CTSS: variants seen among roughly 807,000 people sequenced by gnomAD.
CTSS encodes cathepsin S.
CTSS carries 15 observed loss-of-function variants against 39.9 expected under a neutral mutation model. The ratio of observed to expected loss-of-function variants is 0.38; its 90% CI spans 0.25 to 0.58. The LOEUF (loss-of-function observed/expected upper bound fraction) is 0.58, where lower values mean the gene tolerates loss of function less well. Ranked by LOEUF, CTSS falls within the 20% of genes least tolerant of loss-of-function variation. CTSS has a pLI of 0.70. For missense variants in CTSS, 250 were observed against 398.2 expected (o/e 0.63, Z 3.17); for synonymous variants, 126 against 138.2 (o/e 0.91, Z 0.62).
At chr1:150,754,153 G>T (rs61817601) in intron 4 of CTSS, among the ~76,000 whole-genome samples, 1 of 124,500 alleles carries the variant, frequency 8.0e-6, no homozygotes, top group Non-Finnish European at 1.6e-5. Context: ...TCACTCTATC[G>T]CCCAGGCTGG....
chr1:150,762,179 G>A (rs2864869), intron 2 of CTSS, among the ~76,000 whole-genome samples: 52,641 of 152,030 alleles, frequency 0.35, 9,440 homozygotes, highest in South Asian at 0.53. Flanking sequence ...AATGGGGAAA[G>A]GATAGTCTGT....
At chr1:150,763,974 C>T (rs183055847) in intron 2 of CTSS, among the ~76,000 whole-genome samples, 35 of 152,190 alleles carry the variant, frequency 2.3e-4, no homozygotes, top group African/African-American at 8.4e-4. Context: ...AAATGGCACC[C>T]TTATCCGTGA....
intron 7 of CTSS, among the ~76,000 whole-genome samples, chr1:150,743,038 CTG>C (rs1652800672): frequency 6.6e-6 from 1 of 152,102 alleles, no homozygotes. Flanking sequence ...AGATTATGAA[CTG>C]GGGATCATCT....
intron 7 of CTSS, among the ~76,000 whole-genome samples, chr1:150,740,977 T>A (rs1256007842): frequency 6.6e-6 from 1 of 152,030 alleles, no homozygotes; most frequent in Non-Finnish European, 1.5e-5. Flanking sequence ...CATGAGCCAC[T>A]AAGCCTGGTT....
intron 7 of CTSS, among the ~76,000 whole-genome samples, chr1:150,735,591 G>T (rs1005906486): frequency 1.3e-5 from 2 of 151,778 alleles, no homozygotes; most frequent in African/African-American, 4.8e-5. Flanking sequence ...GGGTTTTTTT[G>T]TTTGTTTGTT....
chr1:150,731,261 G>C lies in CTSS; in HGVS notation c.*1785C>G, dbSNP rs958973893. On this transcript the variant is annotated 3_prime_UTR_variant, in exon 8 of 8. Transcript: ENST00000368985. The stretch of plus-strand genomic sequence containing the variant: ...AAATTAGCTGGGCGTGGTGGTGCAC[G>C]CCTATAATTCCAGCTACTCGGGAGG... 6.6e-6 allele frequency: 1 copy of C among 152,156 alleles called. No homozygotes were observed. Among genetic ancestry groups the C allele is most frequent in the Non-Finnish European group, 1.5e-5 (1 of 68,068 alleles). 9.4% of individuals were successfully genotyped at this position (152,156 alleles called of 1,614,324 possible).
intron 7 of CTSS, among the ~76,000 whole-genome samples, chr1:150,734,611 A>T (rs1293163495): frequency 2.6e-5 from 4 of 152,104 alleles, no homozygotes; most frequent in African/African-American, 7.2e-5. Context: ...GCGCCTGTGC[A>T]CTCCAGCCTG....
intron 4 of CTSS, among the ~76,000 whole-genome samples, chr1:150,753,383 T>C (rs1206045596): frequency 1.3e-5 from 2 of 152,236 alleles, no homozygotes; most frequent in African/African-American, 2.4e-5. Context: ...ATTCTAACGA[T>C]GCAAGACTAG....
At chr1:150,736,335 G>C (rs587726478) in intron 7 of CTSS, among the ~76,000 whole-genome samples, 1 of 152,240 alleles carries the variant, frequency 6.6e-6, no homozygotes, top group African/African-American at 2.4e-5. Flanking sequence ...AAGTCACATA[G>C]ATAGTAAATT....
intron 3 of CTSS, 137 bp from the exon 4 acceptor site, chr1:150,755,287 T>C: frequency 2.2e-6 from 2 of 910,478 alleles, no homozygotes; most frequent in South Asian, 3.1e-5. Context: ...GGCTCCTACA[T>C]ACCTAGGCTG....
At chr1:150,733,700 A>C (rs1277026305) in intron 7 of CTSS, among the ~76,000 whole-genome samples, 1 of 151,958 alleles carries the variant, frequency 6.6e-6, no homozygotes, top group Non-Finnish European at 1.5e-5. Context: ...ATGGTGGCTC[A>C]CACTTGTAAT....
intron 2 of CTSS, among the ~76,000 whole-genome samples, chr1:150,764,043 G>A (rs991221306): frequency 3.3e-5 from 5 of 151,706 alleles, no homozygotes; most frequent in Admixed American, 6.6e-5. Context: ...ACCACCCAGG[G>A]CCCTTCCTAC....
At chr1:150,761,054 C>T (rs1009383019) in intron 2 of CTSS, among the ~76,000 whole-genome samples, 22 of 151,544 alleles carry the variant, frequency 1.5e-4, no homozygotes, top group South Asian at 4.2e-4. Context: ...TGGCGTGTGC[C>T]GGTAATCCCA....
rs1653167356 is a variant in CTSS, at chr1:150,757,915, C to T, written c.192G>A (p.Leu64=). The stretch of plus-strand genomic sequence containing the variant: ...ATGAGTGCATTCCCATTGAATGCTC[C>T]AGGTTGTGAAGCATCACAAACTTTA... ...KNLKFVMLHN[L]EHSMGMHSYD... Residue 64 remains leucine, a synonymous_variant, in exon 3 of 8, where the codon CTG becomes CTA. Coordinates refer to ENST00000368985, the MANE Select transcript of CTSS (RefSeq NM_004079.5). 6.2e-7 allele frequency: 1 copy of T among 1,613,704 alleles called. No homozygotes were observed. The highest frequency in any genetic ancestry group is 1.7e-5 in the Admixed American group (1 of 60,002).
At chr1:150,751,332 C>T (rs1260215683) in intron 5 of CTSS, among the ~76,000 whole-genome samples, 1 of 152,072 alleles carries the variant, frequency 6.6e-6, no homozygotes, top group East Asian at 1.9e-4. Flanking sequence ...CACTGCACCT[C>T]CACCTCCTGA....
At chr1:150,764,522 G>A (rs1653327330) in intron 2 of CTSS, 116 bp downstream of exon 2, 2 of 1,397,136 alleles carry the variant, frequency 1.4e-6, no homozygotes, top group East Asian at 2.3e-5. Context: ...ACAGGCGCGA[G>A]CCACCACACC....
intron 4 of CTSS, among the ~76,000 whole-genome samples, chr1:150,754,697 G>GTA (rs1226883349): frequency 1.3e-5 from 2 of 152,136 alleles, no homozygotes; most frequent in Non-Finnish European, 2.9e-5. Context: ...CAAAGTAATG[G>GTA]TATTATAGGC....
chr1:150,744,572 A>G (rs1652850607), intron 7 of CTSS, among the ~76,000 whole-genome samples: 2 of 118,518 alleles, frequency 1.7e-5, no homozygotes, highest in Admixed American at 1.0e-4. Flanking sequence ...TTATGTATAC[A>G]TAATATATTA....
At chr1:150,738,281 T>C (rs1426810549) in intron 7 of CTSS, among the ~76,000 whole-genome samples, 1 of 152,174 alleles carries the variant, frequency 6.6e-6, no homozygotes, top group East Asian at 1.9e-4. Flanking sequence ...AATCTTGTTT[T>C]ATTGTGCTTT....
Sources: gnomAD v4.1 joint callset for allele counts (sites outside exome capture counted in the v4.1 genomes callset) on GRCh38, gnomAD v4.1.1 for gene constraint, MANE v1.5 for transcripts, NCBI Gene and HGNC (gene_info 2026-07-23, HGNC 2026-07-21) for gene names.